GPALPP1: variants seen among roughly 807,000 people sequenced by gnomAD.
GPALPP1 encodes the protein GPALPP motifs-containing protein 1.
Under a neutral mutation model 38.9 loss-of-function variants are expected in GPALPP1, and 30 were observed. That is an observed-to-expected ratio of 0.77 (90% CI 0.58 to 1.05). GPALPP1 has a LOEUF of 1.05. Ranked by LOEUF, GPALPP1 falls within the 50% of genes least tolerant of loss-of-function variation. The probability of loss-of-function intolerance (pLI) is 0.00; values close to 1 mark genes in which losing one functional copy is unlikely to be tolerated. For missense variants in GPALPP1, 384 were observed against 408.8 expected, an observed-to-expected ratio of 0.94 and a Z score of 0.52; for synonymous variants, 120 against 139.2, an observed-to-expected ratio of 0.86 and a Z score of 0.97.
At chr13:44,993,800 A>G (rs1873037380) in intron 1 of GPALPP1, among the ~76,000 whole-genome samples, 1 of 132,792 alleles carries the variant, frequency 7.5e-6, no homozygotes, top group Admixed American at 8.7e-5. Context: ...AGTGCTTGTT[A>G]ATTTCTGTTT....
intron 7 of GPALPP1, among the ~76,000 whole-genome samples, chr13:45,026,137 A>G (rs1324717948): frequency 6.6e-6 from 1 of 152,170 alleles, no homozygotes; most frequent in African/African-American, 2.4e-5. Flanking sequence ...TTTGTTGAAC[A>G]TAAAGAATTG....
At chr13:44,997,063 C>T (rs1873345938) in intron 1 of GPALPP1, among the ~76,000 whole-genome samples, 1 of 151,420 alleles carries the variant, frequency 6.6e-6, no homozygotes, top group Non-Finnish European at 1.5e-5. Flanking sequence ...TTAAGTACAT[C>T]ATTTGAGTGG....
chr13:45,037,393 A>T (rs1400832247), exon 8 of GPALPP1: 1 of 152,248 alleles, frequency 6.6e-6, no homozygotes, highest in Non-Finnish European at 1.5e-5. Context: ...TATAATACCT[A>T]ATTCACACTA....
rs145893176 is a variant in GPALPP1, at chr13:44,990,740, A to G, written c.88+998A>G. ...TTTCTTCCTGGTCTACCCGGAGGCTATGTTTCTACTACAGGCCCCTTTCCA... is the reference window on the plus strand; with the variant it reads ...TTTCTTCCTGGTCTACCCGGAGGCTGTGTTTCTACTACAGGCCCCTTTCCA... On this transcript the variant is annotated intron_variant, in intron 1 of 7. Coordinates refer to ENST00000379151, the MANE Select transcript of GPALPP1 (RefSeq NM_018559.5). Among the ~76,000 whole-genome samples the G allele has an allele frequency of 2.9e-3, 439 of 152,296 alleles. 3 individuals carry two copies. The South Asian group carries it at 0.031, about 11-fold the overall frequency.
At chr13:44,999,169 G>A (rs561902193) in intron 1 of GPALPP1, among the ~76,000 whole-genome samples, 4 of 152,204 alleles carry the variant, frequency 2.6e-5, no homozygotes, top group South Asian at 2.1e-4. Flanking sequence ...TCATTTCATC[G>A]GAGTTCAAGT....
At chr13:45,037,416 A>G (rs1876424235) in exon 8 of GPALPP1, 1 of 152,222 alleles carries the variant, frequency 6.6e-6, no homozygotes, top group Non-Finnish European at 1.5e-5. Flanking sequence ...CACTTAACAA[A>G]AGCAATTTAT....
Position 45,015,018 on chromosome 13 carries a change from A to G in GPALPP1, c.475A>G (p.Asn159Asp). The change falls in exon 5 of 8, where the codon AAT (asparagine) becomes GAT (aspartate). Residue 159 changes from asparagine (N) to aspartate (D), a missense_variant. Transcript: ENST00000379151. The part of the protein sequence containing the change: ...PMPAKGPVNY[N>D]VTTEFEKRAQ... The stretch of plus-strand genomic sequence containing the variant: ...GCCTGCAAAAGGACCAGTTAACTAT[A>G]ATGTAACGACAGAGTTTGAAAAAAG... 1 of 1,606,756 alleles carries G rather than the reference A, an allele frequency of 6.2e-7. No individual in the cohort carries two copies. The highest frequency in any genetic ancestry group is 8.5e-7 in the Non-Finnish European group (1 of 1,173,816).
intron 7 of GPALPP1, among the ~76,000 whole-genome samples, chr13:45,021,068 CA>C (rs1478294514): frequency 6.6e-6 from 1 of 152,020 alleles, no homozygotes; most frequent in Non-Finnish European, 1.5e-5. Context: ...ATAAACTAAA[CA>C]GTCAGTATTC....
chr13:45,004,171 A>G (rs977387792), intron 1 of GPALPP1, 134 bp from the exon 2 acceptor site: 36 of 695,306 alleles, frequency 5.2e-5, no homozygotes, highest in Non-Finnish European at 7.8e-5. Context: ...AACAACAGCA[A>G]TTGAGATTAA....
chr13:45,034,727 T>A (rs1360128595), downstream of GPALPP1: 6 of 122,612 alleles, frequency 4.9e-5, no homozygotes, highest in Non-Finnish European at 1.0e-4. Flanking sequence ...TTTTTATTTC[T>A]TTTTTTTTTT....
downstream of GPALPP1, chr13:45,034,332 A>C (rs576586701): frequency 3.2e-4 from 48 of 152,360 alleles, no homozygotes; most frequent in Admixed American, 3.9e-4. Context: ...AAAAGATCTG[A>C]GTAAAAAAGA....
chr13:45,018,912 T>C (rs1875075428), intron 6 of GPALPP1, among the ~76,000 whole-genome samples: 1 of 145,874 alleles, frequency 6.9e-6, no homozygotes. Flanking sequence ...CATATAAATA[T>C]ATACATATAA....
At chr13:45,026,450 A>G (rs1163804252) in intron 7 of GPALPP1, among the ~76,000 whole-genome samples, 1 of 152,214 alleles carries the variant, frequency 6.6e-6, no homozygotes, top group Non-Finnish European at 1.5e-5. Context: ...CCATTCAAAT[A>G]AATGTGTTAA....
intron 1 of GPALPP1, among the ~76,000 whole-genome samples, chr13:44,995,264 G>A (rs1348887109): frequency 6.7e-6 from 1 of 148,966 alleles, no homozygotes; most frequent in Non-Finnish European, 1.5e-5. Context: ...TCTTTGGGCA[G>A]CTCCTCTTCA....
intron 3 of GPALPP1, among the ~76,000 whole-genome samples, chr13:45,008,428 A>G (rs188350741): frequency 1.3e-5 from 2 of 152,330 alleles, no homozygotes; most frequent in East Asian, 3.9e-4. Flanking sequence ...ACTGAAGGAA[A>G]GCCAAGGCAC....
intron 1 of GPALPP1, among the ~76,000 whole-genome samples, chr13:44,995,597 C>T (rs147795193): frequency 5.9e-5 from 9 of 152,276 alleles, no homozygotes; most frequent in African/African-American, 1.9e-4. Context: ...TAAATTACCC[C>T]CTAAGTCCCT....
intron 1 of GPALPP1, among the ~76,000 whole-genome samples, chr13:44,993,419 C>G (rs1374018561): frequency 6.6e-6 from 1 of 152,046 alleles, no homozygotes; most frequent in African/African-American, 2.4e-5. Context: ...GTGACCTCAC[C>G]TGAGGTCAAG....
At position 45,027,967 on chromosome 13, in the gene GPALPP1, C is replaced by A; in HGVS notation, c.987C>A (p.Thr329=). ...TAAAAAAATCTAGAGAACTAAACAC[C>A]AGATTTTCACACGGCAAAGGCAATA... ...ALIKKSRELN[T]RFSHGKGNMF... Residue 329 remains threonine, a synonymous_variant, in exon 8 of 8, where the codon ACC becomes ACA. Coordinates refer to ENST00000379151, the MANE Select transcript of GPALPP1 (RefSeq NM_018559.5). 6 of 1,606,604 alleles carry A rather than the reference C, an allele frequency of 3.7e-6. No individual in the cohort carries two copies. The highest frequency in any genetic ancestry group is 5.1e-6 in the Non-Finnish European group (6 of 1,173,518).
intron 1 of GPALPP1, among the ~76,000 whole-genome samples, chr13:44,991,144 A>C (rs1036854522): frequency 4.6e-5 from 7 of 151,920 alleles, no homozygotes; most frequent in African/African-American, 1.7e-4. Context: ...CCTGTAGGAG[A>C]TAGCTTTAAA....
Sources: gnomAD v4.1 joint callset for allele counts (sites outside exome capture counted in the v4.1 genomes callset) on GRCh38, gnomAD v4.1.1 for gene constraint, MANE v1.5 for transcripts, NCBI Gene and HGNC (gene_info 2026-07-23, HGNC 2026-07-21) for gene names.